The following FGF12 variants were observed in gnomAD, a reference collection of about 807,000 sequenced individuals.
FGF12 encodes the protein fibroblast growth factor 12B.
A neutral mutation model predicts 23.6 loss-of-function variants in FGF12; 14 were observed. That is an observed-to-expected ratio of 0.59 (90% CI 0.39 to 0.93). The LOEUF (loss-of-function observed/expected upper bound fraction) is 0.93. Ranked by LOEUF, FGF12 falls within the 40% of genes least tolerant of loss-of-function variation. FGF12 has a pLI of 0.00. For synonymous variants in FGF12, 62 were observed against 77.3 expected, an observed-to-expected ratio of 0.80 and a Z score of 1.04; for missense variants, 175 against 217.8, an observed-to-expected ratio of 0.80 and a Z score of 1.24.
chr3:192,460,637 ACAG>A (rs1356624783), intron 2 of FGF12, among the ~76,000 whole-genome samples: 1 of 150,722 alleles, frequency 6.6e-6, no homozygotes, highest in East Asian at 2.0e-4. Context: ...ACAAACAACA[ACAG>A]CAACAACAAA....
At chr3:192,669,268 T>C (rs980953070) in intron 2 of FGF12, among the ~76,000 whole-genome samples, 1 of 152,046 alleles carries the variant, frequency 6.6e-6, no homozygotes, top group African/African-American at 2.4e-5. Flanking sequence ...AACATTGACA[T>C]GAGTGTGATT....
chr3:192,228,973 A>G (rs1718879983), intron 4 of FGF12, among the ~76,000 whole-genome samples: 2 of 152,062 alleles, frequency 1.3e-5, no homozygotes, highest in Admixed American at 6.6e-5. Context: ...CGAGTTACAT[A>G]TGTAGCATAA....
At chr3:192,419,103 C>G (rs11928190) in intron 2 of FGF12, among the ~76,000 whole-genome samples, 220 of 152,260 alleles carry the variant, frequency 1.4e-3, no homozygotes, top group African/African-American at 5.2e-3. Flanking sequence ...GGGGTCAGGT[C>G]CAGAATTCAA....
At chr3:192,451,324 A>C (rs1722513464) in intron 2 of FGF12, among the ~76,000 whole-genome samples, 1 of 152,206 alleles carries the variant, frequency 6.6e-6, no homozygotes, top group Admixed American at 6.5e-5. Flanking sequence ...TGTAAGTATC[A>C]AGAGACAAGA....
At chr3:192,570,111 C>T (rs1295504195) in intron 2 of FGF12, among the ~76,000 whole-genome samples, 1 of 152,048 alleles carries the variant, frequency 6.6e-6, no homozygotes, top group Non-Finnish European at 1.5e-5. Context: ...GAAAAGAGGA[C>T]AGAATATGAT....
chr3:192,652,404 G>A (rs546686682), intron 2 of FGF12, among the ~76,000 whole-genome samples: 1 of 152,274 alleles, frequency 6.6e-6, no homozygotes, highest in African/African-American at 2.4e-5. Flanking sequence ...TAGTTCTTTT[G>A]GCCTGTATGG....
intron 2 of FGF12, among the ~76,000 whole-genome samples, chr3:192,661,810 C>G (rs1716682269): frequency 6.6e-6 from 1 of 152,172 alleles, no homozygotes; most frequent in South Asian, 2.1e-4. Flanking sequence ...CTTCTGCTAT[C>G]CAAAACCAAT....
chr3:192,185,828 C>CAG (rs1479233688), intron 4 of FGF12, among the ~76,000 whole-genome samples: 2 of 151,192 alleles, frequency 1.3e-5, no homozygotes, highest in African/African-American at 2.4e-5. Context: ...CACTGCACTT[C>CAG]AGCCTGGGCG....
At chr3:192,190,867 G>A (rs943626516) in intron 4 of FGF12, among the ~76,000 whole-genome samples, 3 of 152,254 alleles carry the variant, frequency 2.0e-5, no homozygotes, top group East Asian at 1.9e-4. Context: ...GATAATGCTC[G>A]TGAAATGGTC....
At chr3:192,358,441 A>G (rs1258770031) in intron 3 of FGF12, among the ~76,000 whole-genome samples, 2 of 150,124 alleles carry the variant, frequency 1.3e-5, no homozygotes, top group East Asian at 3.9e-4. Context: ...AGAATTTTTA[A>G]AAGTACTTAT....
At chr3:192,695,774 G>A (rs932309778) in intron 2 of FGF12, among the ~76,000 whole-genome samples, 3 of 152,108 alleles carry the variant, frequency 2.0e-5, no homozygotes. Flanking sequence ...ATTAGTTGGC[G>A]AGGATGAGGC....
rs990396406 is a variant in FGF12 at position 192,140,865 on chromosome 3, G to T, written c.*3144C>A. On this transcript the variant is annotated 3_prime_UTR_variant, in exon 6 of 6. Coordinates refer to ENST00000445105, the MANE Select transcript of FGF12 (RefSeq NM_004113.6). ...CCCTCCAATTTGCGGAAGCACAAAAGTCTCTGAATTAGCAAATGGAACTTC... is the reference window on the plus strand; with the variant it reads ...CCCTCCAATTTGCGGAAGCACAAAATTCTCTGAATTAGCAAATGGAACTTC... The T allele has an allele frequency of 6.6e-6, 1 of 151,808 alleles. No homozygotes were observed. The highest frequency in any genetic ancestry group is 2.4e-5 in the African/African-American group (1 of 41,372). 9.4% of individuals were successfully genotyped at this position (151,808 alleles called of 1,614,324 possible).
intron 4 of FGF12, among the ~76,000 whole-genome samples, chr3:192,247,468 T>C (rs1711699818): frequency 2.6e-5 from 4 of 152,234 alleles, no homozygotes; most frequent in South Asian, 4.1e-4. Flanking sequence ...CTCACAATCA[T>C]GAATACAATA....
In FGF12 at chr3:192,661,603, A is replaced by T. The variant is rs1716674474; in HGVS notation, c.13+65578T>A. On this transcript the variant is annotated intron_variant, in intron 2 of 5. Coordinates refer to ENST00000445105, the MANE Select transcript of FGF12 (RefSeq NM_004113.6). ...GGTGAAAGATATGAAAGGGAAGATA[A>T]TAAAAATAGTAAATACTGGAGATTT... Among the ~76,000 whole-genome samples, 3 of 152,228 alleles carry T rather than the reference A, an allele frequency of 2.0e-5. No individual in the cohort carries two copies. In the South Asian group the frequency reaches 6.2e-4, roughly 31 times the overall value.
At chr3:192,353,377 T>C (rs1185940873) in intron 3 of FGF12, among the ~76,000 whole-genome samples, 1 of 146,410 alleles carries the variant, frequency 6.8e-6, no homozygotes, top group Non-Finnish European at 1.5e-5. Flanking sequence ...TTTTTTTTTT[T>C]TTTTTTTTTT....
chr3:192,614,096 A>G (rs570916695), intron 2 of FGF12, among the ~76,000 whole-genome samples: 1 of 152,044 alleles, frequency 6.6e-6, no homozygotes, highest in East Asian at 1.9e-4. Context: ...TTGCTCCAGG[A>G]GTATGAGGGG....
intron 2 of FGF12, among the ~76,000 whole-genome samples, chr3:192,616,290 C>T (rs1279597168): frequency 6.6e-6 from 1 of 151,910 alleles, no homozygotes; most frequent in Non-Finnish European, 1.5e-5. Flanking sequence ...AACAAATAAA[C>T]GTAGTATGTC....
At chr3:192,385,106 T>A (rs1249708008) in intron 2 of FGF12, among the ~76,000 whole-genome samples, 1 of 152,210 alleles carries the variant, frequency 6.6e-6, no homozygotes, top group Non-Finnish European at 1.5e-5. Context: ...CATATTTGAA[T>A]GAATTTCAGT....
intron 4 of FGF12, among the ~76,000 whole-genome samples, chr3:192,198,112 CAAAGGATCCAG>C (rs1717172854): frequency 6.6e-6 from 1 of 151,824 alleles, no homozygotes; most frequent in Non-Finnish European, 1.5e-5. Flanking sequence ...AGAAAGACCC[CAAAGGATCCAG>C]AACGGTGCAT....
Sources: allele counts gnomAD v4.1 joint callset (sites outside exome capture counted in the v4.1 genomes callset), GRCh38; gene constraint gnomAD v4.1.1; transcripts MANE v1.5; gene names NCBI Gene and HGNC (gene_info 2026-07-23, HGNC 2026-07-21).